Variants in CNTN6 observed in about 807,000 individuals in gnomAD.
CNTN6 encodes the protein contactin 6.
CNTN6 carries 137 observed loss-of-function variants against 122.8 expected under a neutral mutation model. The ratio of observed to expected loss-of-function variants is 1.12; its 90% CI spans 0.97 to 1.29. CNTN6 has a LOEUF of 1.29. CNTN6 is among the 50% of genes most tolerant of loss of function. The pLI, the probability that CNTN6 is intolerant of heterozygous loss-of-function variation, is 0.00. For synonymous variants in CNTN6, 570 were observed against 426.0 expected, an observed-to-expected ratio of 1.34 and a Z score of -4.16; for missense variants, 1,634 against 1,223.4, an observed-to-expected ratio of 1.34 and a Z score of -5.01.
chr3:1,273,532 A>G (rs1193769724), intron 4 of CNTN6, among the ~76,000 whole-genome samples: 1 of 152,228 alleles, frequency 6.6e-6, no homozygotes, highest in African/African-American at 2.4e-5. Context: ...GGTATTTGAA[A>G]TACAGATTGG....
chr3:1,136,520 T>C (rs977268256), intron 1 of CNTN6, among the ~76,000 whole-genome samples: 4 of 152,212 alleles, frequency 2.6e-5, no homozygotes, highest in Non-Finnish European at 5.9e-5. Context: ...GGAAAGGAAC[T>C]GTTTTGCCTT....
intron 2 of CNTN6, among the ~76,000 whole-genome samples, chr3:1,150,062 AGT>A (rs201412369): frequency 0.18 from 27,002 of 151,952 alleles, 3,003 homozygotes; most frequent in African/African-American, 0.31. Context: ...GGATCTATTA[AGT>A]AGCCATAGCT....
chr3:1,365,570 T>A (rs1271756906), intron 12 of CNTN6, among the ~76,000 whole-genome samples: 1 of 152,076 alleles, frequency 6.6e-6, no homozygotes, highest in East Asian at 1.9e-4. Flanking sequence ...TCCATTTCTA[T>A]GTACGAACAC....
At chr3:1,267,477 C>G (rs1222313816) in intron 4 of CNTN6, among the ~76,000 whole-genome samples, 2 of 152,102 alleles carry the variant, frequency 1.3e-5, no homozygotes, top group Non-Finnish European at 2.9e-5. Flanking sequence ...GGGAAGGTCT[C>G]AGTAATTAAG....
chr3:1,381,412 T>C (rs1285300080), intron 17 of CNTN6, among the ~76,000 whole-genome samples: 1 of 152,144 alleles, frequency 6.6e-6, no homozygotes, highest in Non-Finnish European at 1.5e-5. Context: ...TGGCAAGAAA[T>C]AGAGACCAGC....
At chr3:1,167,162 C>G (rs761779924) in intron 2 of CNTN6, among the ~76,000 whole-genome samples, 6 of 151,630 alleles carry the variant, frequency 4.0e-5, no homozygotes, top group Non-Finnish European at 8.8e-5. Flanking sequence ...AACAAACAAA[C>G]AAACAAACAA....
chr3:1,296,424 A>G (rs1157687824), intron 6 of CNTN6, among the ~76,000 whole-genome samples: 2 of 152,134 alleles, frequency 1.3e-5, no homozygotes, highest in Non-Finnish European at 2.9e-5. Flanking sequence ...CTGGTACAAG[A>G]TTTAGAGAGC....
chr3:1,212,171 T>A (rs1314526040), intron 2 of CNTN6, among the ~76,000 whole-genome samples: 1 of 152,046 alleles, frequency 6.6e-6, no homozygotes, highest in East Asian at 1.9e-4. Flanking sequence ...TGTACAATTT[T>A]CATATAATTA....
intron 9 of CNTN6, among the ~76,000 whole-genome samples, chr3:1,326,227 C>T (rs550752689): frequency 2.0e-5 from 3 of 151,932 alleles, no homozygotes; most frequent in Admixed American, 2.0e-4. Context: ...TCATCATCAC[C>T]GTCATCATCG....
chr3:1,255,371 T>G (rs932092356), intron 4 of CNTN6, among the ~76,000 whole-genome samples: 5 of 149,844 alleles, frequency 3.3e-5, no homozygotes, highest in African/African-American at 1.2e-4. Flanking sequence ...ACACCACGTT[T>G]AAAGCCTATG....
At chr3:1,271,418 T>C (rs1359677223) in intron 4 of CNTN6, among the ~76,000 whole-genome samples, 1 of 152,152 alleles carries the variant, frequency 6.6e-6, no homozygotes, top group East Asian at 1.9e-4. Flanking sequence ...AGGAGCCATA[T>C]ACCCAATATT....
At chr3:1,116,281 A>G (rs1174284889) in intron 1 of CNTN6, among the ~76,000 whole-genome samples, 2 of 152,156 alleles carry the variant, frequency 1.3e-5, no homozygotes, top group East Asian at 1.9e-4. Context: ...AAGGGCTTCA[A>G]AGAAATAACT....
intron 10 of CNTN6, among the ~76,000 whole-genome samples, chr3:1,329,211 A>G (rs1559839507): frequency 1.3e-5 from 2 of 150,834 alleles, no homozygotes; most frequent in Admixed American, 6.6e-5. Flanking sequence ...ATGCATATAC[A>G]TGTATATATA....
chr3:1,355,973 TTG>T (rs1353266833), intron 12 of CNTN6, among the ~76,000 whole-genome samples: 1 of 151,758 alleles, frequency 6.6e-6, no homozygotes, highest in African/African-American at 2.4e-5. Context: ...CATTCAAACA[TTG>T]TGAGTGCAAT....
chr3:1,378,423 T>C (rs973135443), intron 17 of CNTN6, among the ~76,000 whole-genome samples: 1 of 152,176 alleles, frequency 6.6e-6, no homozygotes. Context: ...TTTATGGTTA[T>C]AAATGACAGT....
At chr3:1,281,363 G>A (rs1429122213) in intron 5 of CNTN6, among the ~76,000 whole-genome samples, 1 of 151,910 alleles carries the variant, frequency 6.6e-6, no homozygotes, top group African/African-American at 2.4e-5. Context: ...ATGTCGGCGT[G>A]GCCAAATTAT....
intron 17 of CNTN6, among the ~76,000 whole-genome samples, chr3:1,382,246 T>A (rs1692006669): frequency 6.6e-6 from 1 of 152,208 alleles, no homozygotes; most frequent in African/African-American, 2.4e-5. Context: ...GTTTATGTGA[T>A]TGTTTACAAT....
chr3:1,265,152 G>A (rs2094908356), intron 4 of CNTN6, among the ~76,000 whole-genome samples: 1 of 144,640 alleles, frequency 6.9e-6, no homozygotes, highest in Non-Finnish European at 1.5e-5. Context: ...TTGCTTCCAT[G>A]TCATTGCATT....
At chr3:1,287,441 A>C (rs1456874724) in intron 5 of CNTN6, among the ~76,000 whole-genome samples, 1 of 152,184 alleles carries the variant, frequency 6.6e-6, no homozygotes, top group African/African-American at 2.4e-5. Context: ...CACTGTATTA[A>C]GTTCACCCAT....
Sources: gnomAD v4.1 joint callset for allele counts (sites outside exome capture counted in the v4.1 genomes callset) on GRCh38, gnomAD v4.1.1 for gene constraint, MANE v1.5 for transcripts, NCBI Gene and HGNC (gene_info 2026-07-23, HGNC 2026-07-21) for gene names.